HPSE2: variants seen among roughly 807,000 people sequenced by gnomAD.
HPSE2 encodes the protein inactive heparanase-2.
A neutral mutation model predicts 60.5 loss-of-function variants in HPSE2; 38 were observed. That is an observed-to-expected ratio of 0.63 (90% CI 0.48 to 0.82). The LOEUF is 0.82. Among genes scored for constraint, HPSE2 ranks in the 40% least tolerant of loss-of-function variants. HPSE2 has a pLI of 0.00. For synonymous variants in HPSE2, 295 were observed against 293.2 expected, an observed-to-expected ratio of 1.01 and a Z score of -0.06; for missense variants, 713 against 740.4, an observed-to-expected ratio of 0.96 and a Z score of 0.43.
chr10:98,466,916 C>T (rs1368467237), intron 11 of HPSE2, among the ~76,000 whole-genome samples: 1 of 152,210 alleles, frequency 6.6e-6, no homozygotes, highest in South Asian at 2.1e-4. Context: ...TCCCCATGCA[C>T]AGGCCCTATT....
intron 9 of HPSE2, among the ~76,000 whole-genome samples, chr10:98,548,461 A>G (rs1467280217): frequency 6.6e-6 from 1 of 152,110 alleles, no homozygotes; most frequent in East Asian, 1.9e-4. Flanking sequence ...TACTAAAAAT[A>G]TAAAAATTAG....
intron 3 of HPSE2, among the ~76,000 whole-genome samples, chr10:98,833,345 T>C (rs894104155): frequency 1.7e-4 from 26 of 152,316 alleles, no homozygotes; most frequent in Admixed American, 6.5e-4. Context: ...GTTTAGAGCA[T>C]AGATACATGT....
At chr10:98,680,205 TAAATG>T (rs1198332940) in intron 6 of HPSE2, among the ~76,000 whole-genome samples, 1 of 152,194 alleles carries the variant, frequency 6.6e-6, no homozygotes. Context: ...AATAACTTGT[TAAATG>T]AAATATTTAG....
Position 98,665,844 on chromosome 10 carries a change from A to C in HPSE2, c.1005-23904T>G, listed in dbSNP as rs1589602795. On this transcript the variant is annotated intron_variant, in intron 6 of 11. Coordinates refer to ENST00000370552, the MANE Select transcript of HPSE2 (RefSeq NM_021828.5). ...TACCACAAAAGTCACTCAAGCACAT[A>C]GCCCACAGACAATATAAAGCAATTA... Among the ~76,000 whole-genome samples, 4 of 152,214 alleles carry C rather than the reference A, an allele frequency of 2.6e-5. No individual in the cohort carries two copies. In the East Asian group the frequency reaches 7.7e-4, roughly 29 times the overall value.
At chr10:98,693,359 T>C (rs184553454) in intron 6 of HPSE2, among the ~76,000 whole-genome samples, 2 of 152,244 alleles carry the variant, frequency 1.3e-5, no homozygotes, top group African/African-American at 4.8e-5. Context: ...GTCTTTTCCA[T>C]TGTAAGATTC....
At chr10:98,513,186 C>T (rs1942478447) in intron 9 of HPSE2, among the ~76,000 whole-genome samples, 1 of 152,128 alleles carries the variant, frequency 6.6e-6, no homozygotes, top group South Asian at 2.1e-4. Flanking sequence ...TATCTATGTT[C>T]CCCTTGTATG....
rs116456260 is a variant in HPSE2, at chr10:99,065,174, T to G, written c.610+79064A>C. ...GCTCAATTTTGTGATATTCTTTCCA[T>G]TTTCAGGGAAGACAATATAAACATG... On this transcript the variant is annotated intron_variant, in intron 3 of 11. Coordinates refer to ENST00000370552, the MANE Select transcript of HPSE2 (RefSeq NM_021828.5). 3.3e-3 allele frequency among the ~76,000 whole-genome samples: 507 copies of G among 152,298 alleles called. 2 individuals carry two copies. The highest frequency in any genetic ancestry group is 0.012 in the African/African-American group (485 of 41,564).
chr10:99,111,464 G>C (rs1844455326), intron 3 of HPSE2, among the ~76,000 whole-genome samples: 1 of 152,188 alleles, frequency 6.6e-6, no homozygotes, highest in African/African-American at 2.4e-5. Context: ...GGAGAAGGCA[G>C]AGGGCTGAGA....
chr10:99,079,400 T>A (rs1843056407), intron 3 of HPSE2, among the ~76,000 whole-genome samples: 1 of 152,108 alleles, frequency 6.6e-6, no homozygotes, highest in Non-Finnish European at 1.5e-5. Flanking sequence ...CCAGGTCCCA[T>A]CAGCACTCTG....
intron 9 of HPSE2, among the ~76,000 whole-genome samples, chr10:98,588,724 C>T (rs140330703): frequency 1.3e-5 from 2 of 151,696 alleles, no homozygotes; most frequent in African/African-American, 4.8e-5. Flanking sequence ...GCTCAGTAAA[C>T]ACCAGTGTAG....
chr10:99,221,110 G>T (rs973863447), intron 2 of HPSE2, among the ~76,000 whole-genome samples: 4 of 152,094 alleles, frequency 2.6e-5, no homozygotes, highest in African/African-American at 7.2e-5. Context: ...CTCCCAAAGT[G>T]CTGGAATTAC....
At chr10:98,533,798 G>A (rs117176772) in intron 9 of HPSE2, among the ~76,000 whole-genome samples, 25 of 152,306 alleles carry the variant, frequency 1.6e-4, no homozygotes, top group Non-Finnish European at 3.2e-4. Context: ...GAAAGCCAAC[G>A]TGAGAACCCT....
intron 9 of HPSE2, among the ~76,000 whole-genome samples, chr10:98,583,022 C>T (rs1003429131): frequency 5.9e-5 from 9 of 152,100 alleles, no homozygotes; most frequent in South Asian, 4.2e-4. Context: ...ACCCAACCAA[C>T]GAAGACTAGG....
At chr10:98,854,361 T>C (rs1349942791) in intron 3 of HPSE2, among the ~76,000 whole-genome samples, 1 of 152,178 alleles carries the variant, frequency 6.6e-6, no homozygotes, top group Non-Finnish European at 1.5e-5. Flanking sequence ...TCTGTTTTGT[T>C]TTTGTTTTGT....
At chr10:98,761,719 A>C (rs1020518503) in intron 3 of HPSE2, among the ~76,000 whole-genome samples, 1 of 152,164 alleles carries the variant, frequency 6.6e-6, no homozygotes, top group Non-Finnish European at 1.5e-5. Flanking sequence ...AAGAACTCCG[A>C]AAAGTAAACA....
At chr10:99,099,921 A>G (rs1843882209) in intron 3 of HPSE2, among the ~76,000 whole-genome samples, 1 of 152,232 alleles carries the variant, frequency 6.6e-6, no homozygotes, top group African/African-American at 2.4e-5. Context: ...GCAGAACTGC[A>G]GCTGAGGGTC....
intron 6 of HPSE2, among the ~76,000 whole-genome samples, chr10:98,653,908 C>T (rs897114442): frequency 6.6e-6 from 1 of 151,920 alleles, no homozygotes; most frequent in Non-Finnish European, 1.5e-5. Context: ...TGATAAATTC[C>T]CTCAGTTTTT....
At chr10:98,618,732 A>G (rs1945990926) in intron 8 of HPSE2, among the ~76,000 whole-genome samples, 1 of 152,136 alleles carries the variant, frequency 6.6e-6, no homozygotes, top group African/African-American at 2.4e-5. Context: ...GCATGCCACC[A>G]TGCCCGGCTA....
intron 3 of HPSE2, among the ~76,000 whole-genome samples, chr10:99,099,574 T>C (rs1040640217): frequency 3.9e-5 from 6 of 152,208 alleles, no homozygotes; most frequent in Admixed American, 1.3e-4. Flanking sequence ...GGGCAGGGCA[T>C]AGCTGAACAA....
Sources: allele counts gnomAD v4.1 joint callset (sites outside exome capture counted in the v4.1 genomes callset), GRCh38; gene constraint gnomAD v4.1.1; transcripts MANE v1.5; gene names NCBI Gene and HGNC (gene_info 2026-07-23, HGNC 2026-07-21).